Variants in CAST observed in about 807,000 individuals in gnomAD.
CAST encodes the protein calpastatin.
In CAST, 76 loss-of-function variants were observed where a neutral mutation model predicts 119.6. That is an observed-to-expected ratio of 0.64 (90% CI 0.53 to 0.77). The LOEUF is 0.77. Among genes scored for constraint, CAST ranks in the 30% least tolerant of loss-of-function variants. The pLI, the probability that CAST is intolerant of heterozygous loss-of-function variation, is 0.00. For synonymous variants in CAST, 319 were observed against 331.6 expected (o/e 0.96, Z 0.41); for missense variants, 953 against 946.5 (o/e 1.01, Z -0.09).
intron 1 of CAST, among the ~76,000 whole-genome samples, chr5:96,611,270 A>AT (rs1747356211): frequency 6.6e-6 from 1 of 152,208 alleles, no homozygotes; most frequent in African/African-American, 2.4e-5. Flanking sequence ...ACATAGACCC[A>AT]TGTAACAGAA....
At chr5:96,141,008 G>A in the CAST span, among the ~76,000 whole-genome samples, 4 of 152,166 alleles carry the variant, frequency 2.6e-5, no homozygotes, top group Admixed American at 6.5e-5. Context: ...TGGGATTGCC[G>A]CCAGTTAACT....
At chr5:96,653,342 T>G (rs1486840301) in intron 1 of CAST, among the ~76,000 whole-genome samples, 1 of 152,258 alleles carries the variant, frequency 6.6e-6, no homozygotes, top group African/African-American at 2.4e-5. Context: ...ATAAATGCTG[T>G]CTCATCTAGA....
rs532503976 is a variant in CAST at position 96,607,245 on chromosome 5, A to G, written c.61-68294A>G. Among the ~76,000 whole-genome samples, 10 of 152,296 alleles carry G rather than the reference A, an allele frequency of 6.6e-5. No homozygotes were observed. In the South Asian group the frequency reaches 1.7e-3, roughly 25 times the overall value. On this transcript the variant is annotated intron_variant, in intron 1 of 11. Coordinates refer to the CAST transcript ENST00000505143. ...GGAGCTTGCAGTGAGCCGAGATCGCACCACTGCACTCCAGCCTGGGCGACA... is the reference window on the plus strand; with the variant it reads ...GGAGCTTGCAGTGAGCCGAGATCGCGCCACTGCACTCCAGCCTGGGCGACA...
At chr5:96,041,350 A>G in the CAST span, among the ~76,000 whole-genome samples, 1 of 152,176 alleles carries the variant, frequency 6.6e-6, no homozygotes, top group South Asian at 2.1e-4. Flanking sequence ...AAGTTCTGAT[A>G]GGGGACATCC....
chr5:96,736,045 T>A (rs897072897), intron 9 of CAST, 127 bp from the exon 10 acceptor site: 2 of 612,084 alleles, frequency 3.3e-6, no homozygotes, highest in Non-Finnish European at 5.7e-6. Flanking sequence ...GCACAGTTTC[T>A]GCTGTAGAGC....
chr5:96,166,419 A>G, the CAST span, among the ~76,000 whole-genome samples: 13 of 152,296 alleles, frequency 8.5e-5, no homozygotes, highest in African/African-American at 3.1e-4. Context: ...AGCCTACTTC[A>G]GCACACCAAT....
chr5:96,109,739 GGC>G, the CAST span, among the ~76,000 whole-genome samples: 1 of 151,872 alleles, frequency 6.6e-6, no homozygotes, highest in Non-Finnish European at 1.5e-5. Flanking sequence ...TTGATGAGGG[GGC>G]AGCAAATTGA....
chr5:96,578,124 T>A (rs1341198572), intron 1 of CAST, among the ~76,000 whole-genome samples: 6 of 152,182 alleles, frequency 3.9e-5, no homozygotes, highest in African/African-American at 1.4e-4. Flanking sequence ...TGTTGCTTGG[T>A]ATGTAAACAT....
At chr5:96,647,485 T>G (rs1418985359) in intron 1 of CAST, among the ~76,000 whole-genome samples, 1 of 152,166 alleles carries the variant, frequency 6.6e-6, no homozygotes, top group Non-Finnish European at 1.5e-5. Flanking sequence ...TAGATCAGTT[T>G]CCTTTTTCTA....
At chr5:96,514,623 C>A in the CAST span, among the ~76,000 whole-genome samples, 1 of 152,282 alleles carries the variant, frequency 6.6e-6, no homozygotes, top group Non-Finnish European at 1.5e-5. Flanking sequence ...ATAACCCCCA[C>A]CCTTAACCCA....
chr5:96,262,676 C>T, the CAST span, among the ~76,000 whole-genome samples: 9 of 152,186 alleles, frequency 5.9e-5, no homozygotes, highest in Admixed American at 2.6e-4. Context: ...ACTACAGGCG[C>T]CTGCCACCAC....
chr5:96,096,345 T>C, the CAST span, among the ~76,000 whole-genome samples: 1 of 152,174 alleles, frequency 6.6e-6, no homozygotes, highest in Non-Finnish European at 1.5e-5. Flanking sequence ...AGCCCTACAG[T>C]CCTAAGGGCT....
At chr5:96,088,020 G>T in the CAST span, among the ~76,000 whole-genome samples, 1 of 152,180 alleles carries the variant, frequency 6.6e-6, no homozygotes, top group East Asian at 1.9e-4. Context: ...ATATGCTGTT[G>T]GTTGCTAATT....
At chr5:96,088,071 T>C in the CAST span, among the ~76,000 whole-genome samples, 8 of 152,218 alleles carry the variant, frequency 5.3e-5, no homozygotes, top group Non-Finnish European at 1.0e-4. Context: ...TTCTGCTGCT[T>C]GCTGGAAGAC....
the CAST span, among the ~76,000 whole-genome samples, chr5:96,513,875 G>C: frequency 4.6e-5 from 7 of 152,212 alleles, no homozygotes; most frequent in African/African-American, 1.4e-4. Flanking sequence ...GCAGGACCAT[G>C]CTTTCTCTAG....
At chr5:95,966,993 T>C in the CAST span, among the ~76,000 whole-genome samples, 1 of 152,190 alleles carries the variant, frequency 6.6e-6, no homozygotes, top group Non-Finnish European at 1.5e-5. Flanking sequence ...TTTATGGCTA[T>C]TCAGTGTAGT....
At chr5:96,355,136 G>A in the CAST span, among the ~76,000 whole-genome samples, 2 of 151,968 alleles carry the variant, frequency 1.3e-5, no homozygotes, top group Non-Finnish European at 2.9e-5. Flanking sequence ...TAGGTTTTAA[G>A]CCCCGCATGC....
At chr5:96,076,662 G>A in the CAST span, among the ~76,000 whole-genome samples, 6 of 152,130 alleles carry the variant, frequency 3.9e-5, no homozygotes, top group African/African-American at 7.2e-5. Context: ...CATTTGCCAC[G>A]TCATAAGAAT....
the CAST span, among the ~76,000 whole-genome samples, chr5:96,187,310 T>C: frequency 6.6e-6 from 1 of 152,092 alleles, no homozygotes; most frequent in African/African-American, 2.4e-5. Flanking sequence ...CCTGATTTGT[T>C]GATTTTTGAA....
Sources: allele counts gnomAD v4.1 joint callset (sites outside exome capture counted in the v4.1 genomes callset), GRCh38; gene constraint gnomAD v4.1.1; transcripts MANE v1.5; gene names NCBI Gene and HGNC (gene_info 2026-07-23, HGNC 2026-07-21).